CCBE1: variants seen among roughly 807,000 people sequenced by gnomAD.
CCBE1 encodes collagen and calcium binding EGF domains 1, also known as collagen and calcium-binding EGF domain-containing protein 1.
Under a neutral mutation model 50.0 loss-of-function variants are expected in CCBE1, and 37 were observed. That is an observed-to-expected ratio of 0.74 (90% CI 0.57 to 0.97). CCBE1 has a LOEUF of 0.97. Ranked by LOEUF, CCBE1 falls within the 50% of genes least tolerant of loss-of-function variation. The probability of loss-of-function intolerance (pLI) is 0.00; values close to 1 mark genes in which losing one functional copy is unlikely to be tolerated. For missense variants in CCBE1, 538 were observed against 523.8 expected, an observed-to-expected ratio of 1.03 and a Z score of -0.26; for synonymous variants, 234 against 203.7, an observed-to-expected ratio of 1.15 and a Z score of -1.27.
chr18:59,510,261 A>C (rs931874480), intron 2 of CCBE1, among the ~76,000 whole-genome samples: 1 of 152,184 alleles, frequency 6.6e-6, no homozygotes, highest in East Asian at 1.9e-4. Context: ...ATGAGTTCTG[A>C]CAGAGGGAGC....
intron 2 of CCBE1, among the ~76,000 whole-genome samples, chr18:59,639,012 G>A (rs2053949989): frequency 6.6e-6 from 1 of 152,218 alleles, no homozygotes; most frequent in East Asian, 1.9e-4. Flanking sequence ...TTGACTAATT[G>A]TAAAATTTGA....
At chr18:59,443,400 G>A (rs1910527103) in intron 7 of CCBE1, among the ~76,000 whole-genome samples, 1 of 152,110 alleles carries the variant, frequency 6.6e-6, no homozygotes, top group African/African-American at 2.4e-5. Context: ...GGGGGATGAG[G>A]GAAGAGAGAG....
intron 7 of CCBE1, among the ~76,000 whole-genome samples, chr18:59,444,072 A>G (rs528478977): frequency 6.6e-6 from 1 of 152,126 alleles, no homozygotes; most frequent in South Asian, 2.1e-4. Context: ...CAAAATTTCC[A>G]TCTTTTTAAA....
chr18:59,522,686 C>T (rs1390639765), intron 2 of CCBE1, among the ~76,000 whole-genome samples: 1 of 152,114 alleles, frequency 6.6e-6, no homozygotes, highest in Non-Finnish European at 1.5e-5. Context: ...GTAGCCCCAG[C>T]TGGGAATTAA....
chr18:59,520,376 C>T (rs116631484), intron 2 of CCBE1, among the ~76,000 whole-genome samples: 2,084 of 152,220 alleles, frequency 0.014, 53 homozygotes, highest in African/African-American at 0.047. Context: ...TTCTTGAAGA[C>T]GTTCCTTTGC....
chr18:59,529,628 C>A (rs750484614), intron 2 of CCBE1, among the ~76,000 whole-genome samples: 1 of 152,184 alleles, frequency 6.6e-6, no homozygotes. Context: ...CTGTGTGGCT[C>A]CTGAGTGGGT....
At chr18:59,555,514 A>G (rs193089325) in intron 2 of CCBE1, among the ~76,000 whole-genome samples, 67 of 152,336 alleles carry the variant, frequency 4.4e-4, no homozygotes, top group Middle Eastern at 6.8e-3. Flanking sequence ...AATTAAGACA[A>G]TGACTTGAAG....
intron 2 of CCBE1, among the ~76,000 whole-genome samples, chr18:59,579,042 A>C (rs1385273323): frequency 2.0e-5 from 3 of 152,186 alleles, no homozygotes; most frequent in Non-Finnish European, 4.4e-5. Flanking sequence ...TACTGGCTTA[A>C]AGACAGATTT....
At chr18:59,612,321 GAAAAAAAAGAA>G (rs1568233736) in intron 2 of CCBE1, among the ~76,000 whole-genome samples, 1 of 106,216 alleles carries the variant, frequency 9.4e-6, no homozygotes, top group Non-Finnish European at 1.9e-5. Context: ...AAAAAGGGAA[GAAAAAAAAGAA>G]AAAAAAAAAA....
intron 2 of CCBE1, among the ~76,000 whole-genome samples, chr18:59,562,906 C>G (rs1282407229): frequency 6.6e-6 from 1 of 152,054 alleles, no homozygotes; most frequent in African/African-American, 2.4e-5. Context: ...TCGTTTGTTT[C>G]AGTTCTCTTG....
chr18:59,621,584 A>G (rs2053710934), intron 2 of CCBE1, among the ~76,000 whole-genome samples: 2 of 152,176 alleles, frequency 1.3e-5, no homozygotes, highest in South Asian at 4.1e-4. Context: ...TGAATCCCAG[A>G]ACAATCCTTC....
intron 2 of CCBE1, among the ~76,000 whole-genome samples, chr18:59,635,258 G>A (rs2053900396): frequency 6.6e-6 from 1 of 152,144 alleles, no homozygotes; most frequent in Non-Finnish European, 1.5e-5. Flanking sequence ...TTGCGGATAT[G>A]GCTAAACTGA....
At chr18:59,568,347 G>A (rs2144476965) in intron 2 of CCBE1, 1 of 152,304 alleles carries the variant, frequency 6.6e-6, no homozygotes, top group Admixed American at 6.5e-5. Context: ...AGGTGAGTGG[G>A]AAGTTTAGTA....
At chr18:59,593,541 T>A (rs568398796) in intron 2 of CCBE1, among the ~76,000 whole-genome samples, 11 of 152,344 alleles carry the variant, frequency 7.2e-5, no homozygotes, top group African/African-American at 2.6e-4. Context: ...GCACAGACAA[T>A]GAAAATACAA....
At chr18:59,600,531 T>C (rs1470419867) in intron 2 of CCBE1, among the ~76,000 whole-genome samples, 2 of 152,064 alleles carry the variant, frequency 1.3e-5, no homozygotes, top group South Asian at 2.1e-4. Flanking sequence ...TGGTCCCTGG[T>C]GCCAAAAAAG....
At chr18:59,508,352 C>T (rs551006289) in intron 2 of CCBE1, among the ~76,000 whole-genome samples, 5 of 151,596 alleles carry the variant, frequency 3.3e-5, no homozygotes, top group Non-Finnish European at 7.4e-5. Context: ...AATCCCAGAA[C>T]TTTGGGAGGC....
chr18:59,513,915 C>T (rs1444551259), intron 2 of CCBE1, among the ~76,000 whole-genome samples: 1 of 152,144 alleles, frequency 6.6e-6, no homozygotes, highest in Admixed American at 6.5e-5. Context: ...CACACTTGGG[C>T]CATCACGGGC....
intron 2 of CCBE1, among the ~76,000 whole-genome samples, chr18:59,496,531 A>T (rs953508463): frequency 5.3e-5 from 8 of 152,242 alleles, no homozygotes; most frequent in African/African-American, 1.7e-4. Flanking sequence ...GACTCAAAAC[A>T]GTGCCTGGCA....
chr18:59,595,378 T>C (rs1327355567), intron 2 of CCBE1, among the ~76,000 whole-genome samples: 1 of 152,174 alleles, frequency 6.6e-6, no homozygotes, highest in East Asian at 1.9e-4. Context: ...TTACTAACCT[T>C]TCTTACTTTG....
Sources: allele counts gnomAD v4.1 joint callset (sites outside exome capture counted in the v4.1 genomes callset), GRCh38; gene constraint gnomAD v4.1.1; transcripts MANE v1.5; gene names NCBI Gene and HGNC (gene_info 2026-07-23, HGNC 2026-07-21).